SPAG6: variants seen among roughly 807,000 people sequenced by gnomAD.
SPAG6 encodes the protein sperm associated antigen 6.
In SPAG6, 49 loss-of-function variants were observed where a neutral mutation model predicts 58.5. That is an observed-to-expected ratio of 0.84 (90% CI 0.67 to 1.06). The LOEUF is 1.06. Among genes scored for constraint, SPAG6 ranks in the 50% least tolerant of loss-of-function variants. SPAG6 has a pLI of 0.00. For synonymous variants in SPAG6, 233 were observed against 225.6 expected, an observed-to-expected ratio of 1.03 and a Z score of -0.29; for missense variants, 560 against 611.3, an observed-to-expected ratio of 0.92 and a Z score of 0.89.
In SPAG6 at chr10:22,375,713, C is replaced by T. The variant is rs369789412; in HGVS notation, c.472+7035C>T. 7.3e-4 allele frequency among the ~76,000 whole-genome samples: 111 copies of T among 151,228 alleles called. 2 individuals are homozygous for T. In the South Asian group the frequency reaches 0.018, roughly 24 times the overall value. On this transcript the variant is annotated intron_variant, in intron 4 of 10. Coordinates refer to ENST00000376624, the MANE Select transcript of SPAG6 (RefSeq NM_012443.4). ...CCTGCCTCAGACTCCCAAGTAGCTGCGATTACAGGCGCCTGCCACCATGCC... is the reference window on the plus strand; with the variant it reads ...CCTGCCTCAGACTCCCAAGTAGCTGTGATTACAGGCGCCTGCCACCATGCC...
intron 8 of SPAG6, 137 bp from the exon 9 acceptor site, chr10:22,401,015 TGGACAACAA>T: frequency 1.7e-6 from 1 of 581,358 alleles, no homozygotes; most frequent in Non-Finnish European, 3.0e-6. Flanking sequence ...GAGTTTTTTT[TGGACAACAA>T]TTTTAAAAAA....
In SPAG6 at chr10:22,387,810, T is replaced by C. The variant is rs1242817502; in HGVS notation, c.679-13T>C. On this transcript the variant is annotated splice_polypyrimidine_tract_variant and intron_variant, in intron 5 of 10. Coordinates refer to ENST00000376624, the MANE Select transcript of SPAG6 (RefSeq NM_012443.4). ...TAGTGTTTTGTTGTTGTTGTTTTTT[T>C]TTTGCTTCACAGCATCAGATCCTTT... The C allele has an allele frequency of 6.3e-7, 1 of 1,592,836 alleles. No individual in the cohort carries two copies. Among genetic ancestry groups the C allele is most frequent in the Non-Finnish European group, 8.5e-7 (1 of 1,174,142 alleles).
rs773482007 is a variant in SPAG6, at chr10:22,389,216, G to A, written c.909G>A (p.Gly303=). The part of the protein sequence containing the change: ...GGVAAVIDCI[G]SCKGNTRLPG... ...TTGCTGCCGTGATTGACTGCATTGGGTCCTGCAAAGGGAACACACGGCTGC... is the reference window on the plus strand; with the variant it reads ...TTGCTGCCGTGATTGACTGCATTGGATCCTGCAAAGGGAACACACGGCTGC... The change falls in exon 7 of 11, where the codon GGG becomes GGA. Residue 303 remains glycine (G), a synonymous_variant. Transcript: ENST00000376624. The A allele has an allele frequency of 1.9e-6, 3 of 1,613,366 alleles. No individual in the cohort carries two copies. Among genetic ancestry groups the A allele is most frequent in the Non-Finnish European group, 2.5e-6 (3 of 1,179,718 alleles).
At chr10:22,374,272 G>C (rs1000103729) in intron 4 of SPAG6, among the ~76,000 whole-genome samples, 8 of 152,094 alleles carry the variant, frequency 5.3e-5, no homozygotes, top group African/African-American at 1.9e-4. Context: ...ATTTATGTCT[G>C]TGTTCCCATA....
chr10:22,397,513 G>T (rs537413366), intron 8 of SPAG6, among the ~76,000 whole-genome samples: 3 of 152,124 alleles, frequency 2.0e-5, no homozygotes, highest in Admixed American at 6.5e-5. Context: ...ACAGGGTTTT[G>T]CCATGTTGGC....
At chr10:22,382,906 C>A (rs1833986495) in intron 4 of SPAG6, among the ~76,000 whole-genome samples, 1 of 152,104 alleles carries the variant, frequency 6.6e-6, no homozygotes, top group African/African-American at 2.4e-5. Flanking sequence ...CCCATAGTAC[C>A]ATCAACCCAG....
At chr10:22,394,958 C>T (rs1412602962) in intron 8 of SPAG6, among the ~76,000 whole-genome samples, 1 of 152,120 alleles carries the variant, frequency 6.6e-6, no homozygotes, top group African/African-American at 2.4e-5. Context: ...CAGTCCCCCA[C>T]CTTGACCTCC....
chr10:22,377,258 C>T (rs989325013), intron 4 of SPAG6, among the ~76,000 whole-genome samples: 8 of 152,160 alleles, frequency 5.3e-5, no homozygotes, highest in African/African-American at 1.7e-4. Flanking sequence ...GAAGCAGATC[C>T]TCCCCAAGGT....
At chr10:22,353,934 G>A (rs577626618) in intron 2 of SPAG6, among the ~76,000 whole-genome samples, 3 of 152,150 alleles carry the variant, frequency 2.0e-5, no homozygotes, top group Non-Finnish European at 2.9e-5. Context: ...AAAGACAAGA[G>A]AAAAGGTGGT....
In SPAG6 at chr10:22,345,866, C is replaced by G; in HGVS notation, c.121+48C>G. 5 of 1,586,030 alleles carry G rather than the reference C, an allele frequency of 3.2e-6. No individual in the cohort carries two copies. In the South Asian group the frequency reaches 4.6e-5, roughly 14 times the overall value. On this transcript the variant is annotated intron_variant, in intron 2 of 10. Coordinates refer to ENST00000376624, the MANE Select transcript of SPAG6 (RefSeq NM_012443.4). The surrounding 1 kb of genome is among the most constrained non-coding windows in gnomAD (Gnocchi z 6.3). ...CGTCGCCCCCCGCGCACTGAGTCCC[C>G]GACGCCTCCGCCCCGCTGCCCTGCC...
chr10:22,351,830 C>T (rs1370059075), intron 2 of SPAG6, among the ~76,000 whole-genome samples: 3 of 152,124 alleles, frequency 2.0e-5, no homozygotes, highest in Non-Finnish European at 4.4e-5. Context: ...TGCTTTCTTT[C>T]ATAAGGATGG....
chr10:22,403,342 T>A (rs1290366768), intron 9 of SPAG6, among the ~76,000 whole-genome samples: 1 of 151,768 alleles, frequency 6.6e-6, no homozygotes, highest in Non-Finnish European at 1.5e-5. Flanking sequence ...TGTCCATGTG[T>A]TCTCATTGTT....
intron 2 of SPAG6, among the ~76,000 whole-genome samples, chr10:22,352,221 G>T (rs1054025188): frequency 6.6e-6 from 1 of 151,202 alleles, no homozygotes; most frequent in Non-Finnish European, 1.5e-5. Context: ...GTGTGTGTGT[G>T]TGTGTCTGAA....
intron 2 of SPAG6, among the ~76,000 whole-genome samples, chr10:22,358,142 T>C (rs1237909218): frequency 6.6e-6 from 1 of 152,112 alleles, no homozygotes; most frequent in Non-Finnish European, 1.5e-5. Flanking sequence ...TAGTTCTAGA[T>C]CCCTGAGGAA....
chr10:22,391,592 G>A, intron 7 of SPAG6, 137 bp from the exon 8 acceptor site: 1 of 664,996 alleles, frequency 1.5e-6, no homozygotes, highest in Non-Finnish European at 2.5e-6. Context: ...CAGCCCCTGT[G>A]ATGTGCTCAT....
At chr10:22,364,776 C>A in intron 2 of SPAG6, 77 bp from the exon 3 acceptor site, 2 of 1,010,068 alleles carry the variant, frequency 2.0e-6, no homozygotes, top group Non-Finnish European at 2.9e-6. Context: ...ATTTTACTGT[C>A]TGCATATATA....
Position 22,401,187 on chromosome 10 carries a change from G to T in SPAG6, c.1224G>T (p.Leu408=), listed in dbSNP as rs780158866. 1.6e-5 allele frequency: 25 copies of T among 1,593,340 alleles called. No individual in the cohort carries two copies. In the South Asian group the frequency reaches 2.3e-4, roughly 15 times the overall value. ...GTAAAAAAGCCATAAAGAATATCCT[G>T]CAAAAATGTACCTACTTACCAGCCC... ...VKSKKAIKNI[L]QKCTYLPALE... The change falls in exon 9 of 11, where the codon CTG becomes CTT. Residue 408 remains leucine (L), a synonymous_variant. Coordinates refer to ENST00000376624, the MANE Select transcript of SPAG6 (RefSeq NM_012443.4).
In SPAG6 at chr10:22,381,169, G is replaced by GA. The variant is rs529941543; in HGVS notation, c.473-5582dup. Among the ~76,000 whole-genome samples, 461 of 152,114 alleles carry GA rather than the reference G, an allele frequency of 3.0e-3. 1 individual carries two copies. The highest frequency in any genetic ancestry group is 5.0e-3 in the Non-Finnish European group (338 of 67,970). On this transcript the variant is annotated intron_variant, in intron 4 of 10. Coordinates refer to ENST00000376624, the MANE Select transcript of SPAG6 (RefSeq NM_012443.4). ...AACATGACTTCAAAAATTAAAAGTA[G>GA]AAAGAACATCACCTTTCCATACCCA...
chr10:22,371,879 G>A (rs1288114517), intron 4 of SPAG6, among the ~76,000 whole-genome samples: 1 of 151,824 alleles, frequency 6.6e-6, no homozygotes, highest in Non-Finnish European at 1.5e-5. Context: ...ACAGCCAAAG[G>A]GAACTTGGGG....
Sources: allele counts gnomAD v4.1 joint callset (sites outside exome capture counted in the v4.1 genomes callset), GRCh38; gene constraint gnomAD v4.1.1; non-coding constraint Gnocchi (gnomAD v3.1); transcripts MANE v1.5; gene names NCBI Gene and HGNC (gene_info 2026-07-23, HGNC 2026-07-21).